The following MSMB variants were observed in gnomAD, a reference collection of about 807,000 sequenced individuals.
MSMB encodes microseminoprotein beta.
Under a neutral mutation model 10.5 loss-of-function variants are expected in MSMB, and 10 were observed. That is an observed-to-expected ratio of 0.95 (90% confidence interval 0.59 to 1.62). The LOEUF (loss-of-function observed/expected upper bound fraction) is 1.62. MSMB is among the 40% of genes most tolerant of loss of function. MSMB has a pLI of 0.00. For synonymous variants in MSMB, 43 were observed against 46.5 expected (o/e 0.93, Z 0.30); for missense variants, 126 against 137.4 (o/e 0.92, Z 0.42).
chr10:46,044,839 T>C (rs1564937900), intron 1 of MSMB, among the ~76,000 whole-genome samples: 1 of 151,930 alleles, frequency 6.6e-6, no homozygotes, highest in Non-Finnish European at 1.5e-5. Context: ...GAGTTGGGGG[T>C]CCTCAGGATC....
At chr10:46,038,100 T>C (rs1564935136) in intron 3 of MSMB, among the ~76,000 whole-genome samples, 1 of 152,138 alleles carries the variant, frequency 6.6e-6, no homozygotes, top group Non-Finnish European at 1.5e-5. Flanking sequence ...GAAATGGTGG[T>C]TGCCAGGGGC....
chr10:46,038,592 A>G (rs550475663), intron 3 of MSMB, among the ~76,000 whole-genome samples: 180 of 152,174 alleles, frequency 1.2e-3, no homozygotes, highest in African/African-American at 3.9e-3. Flanking sequence ...CTGGCCCACA[A>G]TTTTTTAAAA....
chr10:46,041,366 AT>A (rs1439718271), intron 1 of MSMB, among the ~76,000 whole-genome samples: 7 of 151,732 alleles, frequency 4.6e-5, no homozygotes, highest in Non-Finnish European at 8.8e-5. Flanking sequence ...AAAAAAAAAA[AT>A]CAATTAAGAT....
intron 3 of MSMB, among the ~76,000 whole-genome samples, chr10:46,036,931 T>G (rs1161393755): frequency 6.6e-6 from 1 of 152,212 alleles, no homozygotes; most frequent in East Asian, 1.9e-4. Context: ...ACACTTGATA[T>G]AAAGACAATG....
intron 3 of MSMB, among the ~76,000 whole-genome samples, chr10:46,036,251 C>T (rs574493097): frequency 7.1e-4 from 108 of 152,326 alleles, no homozygotes; most frequent in African/African-American, 2.6e-3. Context: ...GGCAGCGTCC[C>T]ATAGAGGGTG....
At chr10:46,039,697 C>A (rs577427225) in intron 2 of MSMB, among the ~76,000 whole-genome samples, 1 of 152,268 alleles carries the variant, frequency 6.6e-6, no homozygotes, top group South Asian at 2.1e-4. Context: ...GCCTGGCCAA[C>A]GTGGCAAAGC....
intron 1 of MSMB, among the ~76,000 whole-genome samples, chr10:46,043,395 G>GTC (rs140727583): frequency 6.7e-4 from 100 of 150,210 alleles, no homozygotes; most frequent in Middle Eastern, 3.4e-3. Context: ...GCCTAATGCT[G>GTC]TCTCTCTCTC....
At chr10:46,040,120 G>A (rs1554928264) in intron 1 of MSMB, 29 bp from the exon 2 acceptor site, 1 of 1,581,718 alleles carries the variant, frequency 6.3e-7, no homozygotes, top group Non-Finnish European at 8.7e-7. Flanking sequence ...TCAGGGTGGA[G>A]AATGAATTAA....
At chr10:46,038,783 C>T (rs560457355) in intron 3 of MSMB, among the ~76,000 whole-genome samples, 183 bp downstream of exon 3, 1 of 152,268 alleles carries the variant, frequency 6.6e-6, no homozygotes, top group Non-Finnish European at 1.5e-5. Flanking sequence ...GGGCAGGAGG[C>T]ACATGGGAAA....
intron 3 of MSMB, among the ~76,000 whole-genome samples, chr10:46,036,694 G>A (rs1554927574): frequency 6.6e-6 from 1 of 152,240 alleles, no homozygotes; most frequent in Admixed American, 6.5e-5. Context: ...GACTCCAACA[G>A]TGAGGTTCTT....
rs1554927996 is a variant in MSMB at position 46,039,009 on chromosome 10, C to T, written c.172G>A (p.Glu58Lys). The change falls in exon 3 of 4, where the codon GAG (glutamate) becomes AAG (lysine). Residue 58 changes from glutamate (E) to lysine (K), a missense_variant. Coordinates refer to ENST00000582163, the MANE Select transcript of MSMB (RefSeq NM_002443.4). ...TCTGTTTCGTAGCAAGTGCATGTCT[C>T]ACAGTTGTCAGTCTGCCACTCCGAG... is the stretch of plus-strand genomic sequence containing the variant. Reference protein sequence around the residue: ...INSEWQTDNCETCTCYETEIS... With the variant: ...INSEWQTDNCKTCTCYETEIS... The T allele has an allele frequency of 6.2e-7, 1 of 1,613,986 alleles. No homozygotes were observed. The highest frequency in any genetic ancestry group is 8.5e-7 in the Non-Finnish European group (1 of 1,180,004).
chr10:46,037,914 A>G (rs537895760), intron 3 of MSMB, among the ~76,000 whole-genome samples: 1 of 152,378 alleles, frequency 6.6e-6, no homozygotes, highest in South Asian at 2.1e-4. Context: ...TGGTCTCTCC[A>G]TATTACAGAA....
chr10:46,038,547 C>T (rs182928965), intron 3 of MSMB, among the ~76,000 whole-genome samples: 1 of 152,238 alleles, frequency 6.6e-6, no homozygotes, highest in East Asian at 1.9e-4. Context: ...TTCGGCCCCC[C>T]AAAATGCTGG....
At chr10:46,045,850 T>C (rs1201537606) in intron 1 of MSMB, among the ~76,000 whole-genome samples, 3 of 151,554 alleles carry the variant, frequency 2.0e-5, no homozygotes, top group South Asian at 4.1e-4. Context: ...GAGACCCCAG[T>C]GGCAGCTTCT....
intron 1 of MSMB, 27 bp downstream of exon 1, chr10:46,046,208 C>T: frequency 6.2e-7 from 1 of 1,606,252 alleles, no homozygotes; most frequent in Non-Finnish European, 8.5e-7. Context: ...GCTTTTCTAG[C>T]CTTTATATAT....
chr10:46,044,455 A>T (rs1554929128), intron 1 of MSMB, among the ~76,000 whole-genome samples: 1 of 150,446 alleles, frequency 6.6e-6, no homozygotes, highest in Non-Finnish European at 1.5e-5. Flanking sequence ...GGGCGCCTGT[A>T]GTCCCAGCTA....
Position 46,038,937 on chromosome 10 carries a change from C to T in MSMB, c.215+29G>A, listed in dbSNP as rs374816220. The stretch of plus-strand genomic sequence containing the variant: ...TTCCTCAGAGAACAGCTATGTCCCC[C>T]TCTTGGCCAGCACTGGCTTGAGACT... On this transcript the variant is annotated intron_variant, in intron 3 of 3. Coordinates refer to ENST00000582163, the MANE Select transcript of MSMB (RefSeq NM_002443.4). 2.1e-5 allele frequency: 33 copies of T among 1,590,728 alleles called. No individual in the cohort carries two copies. In the African/African-American group the frequency reaches 3.6e-4, roughly 17 times the overall value.
At chr10:46,043,960 C>T (rs1308341052) in intron 1 of MSMB, among the ~76,000 whole-genome samples, 2 of 151,724 alleles carry the variant, frequency 1.3e-5, no homozygotes, top group Admixed American at 1.3e-4. Flanking sequence ...TGGGCGTGAG[C>T]CACCGCGCCC....
intron 1 of MSMB, 91 bp from the exon 2 acceptor site, chr10:46,040,182 T>C: frequency 9.3e-7 from 1 of 1,073,278 alleles, no homozygotes. Context: ...TCGGCTGGGC[T>C]CTGCTGAGAG....
Sources: gnomAD v4.1 joint callset for allele counts (sites outside exome capture counted in the v4.1 genomes callset) on GRCh38, gnomAD v4.1.1 for gene constraint, MANE v1.5 for transcripts, NCBI Gene and HGNC (gene_info 2026-07-23, HGNC 2026-07-21) for gene names.